The following RORA variants were observed in gnomAD, a reference collection of about 807,000 sequenced individuals.
The protein encoded by RORA is nuclear receptor ROR-alpha.
In RORA, 7 loss-of-function variants were observed where a neutral mutation model predicts 69.5. The ratio of observed to expected loss-of-function variants is 0.10; its 90% CI spans 0.06 to 0.19. The LOEUF (loss-of-function observed/expected upper bound fraction) is 0.19, where lower values mean the gene tolerates loss of function less well. Among genes scored for constraint, RORA ranks in the 10% least tolerant of loss-of-function variants. The pLI is 1.00. For synonymous variants in RORA, 261 were observed against 240.8 expected (o/e 1.08, Z -0.78); for missense variants, 457 against 663.0 (o/e 0.69, Z 3.41).
At chr15:60,970,405 G>A (rs1163396275) in intron 1 of RORA, among the ~76,000 whole-genome samples, 5 of 152,104 alleles carry the variant, frequency 3.3e-5, no homozygotes, top group Admixed American at 1.3e-4. Context: ...GTTCAATTCC[G>A]CAAACATTAT....
At chr15:60,522,192 T>C (rs1191307668) in intron 3 of RORA, among the ~76,000 whole-genome samples, 1 of 152,210 alleles carries the variant, frequency 6.6e-6, no homozygotes, top group Non-Finnish European at 1.5e-5. Context: ...TTTTAATGAT[T>C]ATTTTACTGT....
chr15:60,561,917 G>A lies in RORA; in HGVS notation c.197-30066C>T, dbSNP rs538482397. ...GGAATCTGTGATACACAGAACAATA[G>A]CTTATGGGTTTAACAAAAAAAAAAA... On this transcript the variant is annotated intron_variant, in intron 2 of 10. Coordinates refer to ENST00000335670, the MANE Select transcript of RORA (RefSeq NM_134261.3). 7.2e-5 allele frequency among the ~76,000 whole-genome samples: 11 copies of A among 151,922 alleles called. No homozygotes were observed. The East Asian group carries it at 2.1e-3, about 29-fold the overall frequency.
chr15:61,161,960 C>A (rs1195327864), intron 1 of RORA, among the ~76,000 whole-genome samples: 1 of 152,030 alleles, frequency 6.6e-6, no homozygotes, highest in Non-Finnish European at 1.5e-5. Flanking sequence ...AATCACGTGG[C>A]AAATGCATAA....
intron 1 of RORA, among the ~76,000 whole-genome samples, chr15:61,122,886 C>T (rs2079115622): frequency 6.6e-6 from 1 of 152,110 alleles, no homozygotes. Flanking sequence ...AAAATATATT[C>T]GGGCAGCTTC....
At chr15:61,160,171 G>A (rs1023766060) in intron 1 of RORA, among the ~76,000 whole-genome samples, 8 of 152,150 alleles carry the variant, frequency 5.3e-5, no homozygotes, top group South Asian at 2.1e-4. Flanking sequence ...TTCCTGGCAC[G>A]AAGCACTAAT....
chr15:60,861,003 G>A (rs1307239751), intron 1 of RORA, among the ~76,000 whole-genome samples: 7 of 152,190 alleles, frequency 4.6e-5, no homozygotes, highest in Admixed American at 2.0e-4. Flanking sequence ...GGTGGGAAAA[G>A]TCCATTAATA....
intron 2 of RORA, among the ~76,000 whole-genome samples, chr15:60,664,669 C>T (rs1278580280): frequency 6.6e-6 from 1 of 152,090 alleles, no homozygotes; most frequent in Non-Finnish European, 1.5e-5. Context: ...TACAATAATT[C>T]CAAAGTGCTT....
intron 1 of RORA, among the ~76,000 whole-genome samples, chr15:60,798,221 G>GACACAC (rs34480684): frequency 6.9e-6 from 1 of 145,814 alleles, no homozygotes; most frequent in African/African-American, 2.6e-5. Flanking sequence ...TTCCCCAACA[G>GACACAC]ACACACACAC....
chr15:60,712,538 T>C (rs981820409), intron 1 of RORA, among the ~76,000 whole-genome samples: 15 of 152,202 alleles, frequency 9.9e-5, no homozygotes, highest in African/African-American at 3.4e-4. Context: ...CCTTTTGATA[T>C]GTACCCAGAC....
intron 1 of RORA, among the ~76,000 whole-genome samples, chr15:60,784,060 G>A (rs1164740048): frequency 1.3e-5 from 2 of 152,136 alleles, no homozygotes; most frequent in Admixed American, 1.3e-4. Context: ...CCATGCTTTG[G>A]TTCTCACTGG....
chr15:60,631,891 G>A (rs1010851622), intron 2 of RORA, among the ~76,000 whole-genome samples: 4 of 152,142 alleles, frequency 2.6e-5, no homozygotes, highest in Non-Finnish European at 5.9e-5. Context: ...TGTAAACACT[G>A]GCTATCAACT....
chr15:60,614,263 C>T (rs1166366094), intron 2 of RORA, among the ~76,000 whole-genome samples: 1 of 152,034 alleles, frequency 6.6e-6, no homozygotes, highest in African/African-American at 2.4e-5. Context: ...CCTAATCGCA[C>T]AGAGGAAATG....
At position 60,695,457 on chromosome 15, in the gene RORA, AT is replaced by A. The variant is rs376941530; in HGVS notation, c.167-16772del. On this transcript the variant is annotated intron_variant, in intron 1 of 10. Transcript: ENST00000335670. ...TACATTTCCTTCTACAAACATCTTGATTTTTTTTTTTCACTTGCATTTCACC... is the reference window on the plus strand; with the variant it reads ...TACATTTCCTTCTACAAACATCTTGATTTTTTTTTTCACTTGCATTTCACC... Among the ~76,000 whole-genome samples, 502 of 146,774 alleles carry A rather than the reference AT, an allele frequency of 3.4e-3. 2 individuals carry two copies. Among genetic ancestry groups the A allele is most frequent in the East Asian group, 0.03 (152 of 5,046 alleles).
rs916218533 is a variant in RORA, at chr15:60,493,316, CAAAA to C, written c.*4135_*4138del. 6.6e-6 allele frequency: 1 copy of C among 151,688 alleles called. No individual in the cohort carries two copies. The highest frequency in any genetic ancestry group is 2.1e-4 in the South Asian group (1 of 4,794). The allele number at this position is 151,688 out of a possible 1,614,324, so 9.4% of individuals were successfully genotyped here. A position where few individuals can be genotyped will look rare whatever the true frequency, so the allele number is the denominator to read the frequency against. ...AGGCAAAACAAAAAAAACCAAAAAA[CAAAA>C]AAACCCCAAAAAACTGTACAAATAT... On this transcript the variant is annotated 3_prime_UTR_variant, in exon 11 of 11. Coordinates refer to ENST00000335670, the MANE Select transcript of RORA (RefSeq NM_134261.3).
chr15:61,009,688 C>T (rs1430012519), intron 1 of RORA, among the ~76,000 whole-genome samples: 1 of 152,222 alleles, frequency 6.6e-6, no homozygotes, highest in African/African-American at 2.4e-5. Context: ...TCACTTAACA[C>T]TTACTTAAAC....
intron 1 of RORA, among the ~76,000 whole-genome samples, chr15:61,016,185 C>T (rs534807070): frequency 1.6e-4 from 25 of 152,310 alleles, no homozygotes; most frequent in African/African-American, 6.0e-4. Context: ...GTCTTCTCAT[C>T]TCTAAGACGG....
intron 1 of RORA, chr15:61,039,009 G>A (rs1165447438): frequency 1.3e-5 from 2 of 152,184 alleles, no homozygotes; most frequent in Admixed American, 1.3e-4. Flanking sequence ...ATTCTAAACA[G>A]AGAGCCCCAA....
intron 1 of RORA, among the ~76,000 whole-genome samples, chr15:61,027,317 G>A (rs1302001914): frequency 6.6e-6 from 1 of 152,168 alleles, no homozygotes; most frequent in African/African-American, 2.4e-5. Flanking sequence ...CGTATTAACT[G>A]GGAGGGCTAG....
At chr15:60,845,837 C>T (rs1193963157) in intron 1 of RORA, among the ~76,000 whole-genome samples, 1 of 152,220 alleles carries the variant, frequency 6.6e-6, no homozygotes, top group South Asian at 2.1e-4. Context: ...ACCTCCGCCT[C>T]CCGGGTTCAC....
Sources: allele counts gnomAD v4.1 joint callset (sites outside exome capture counted in the v4.1 genomes callset), GRCh38; gene constraint gnomAD v4.1.1; transcripts MANE v1.5; gene names NCBI Gene and HGNC (gene_info 2026-07-23, HGNC 2026-07-21).